The following ME1 variants were observed in gnomAD, a reference collection of about 807,000 sequenced individuals.
The protein encoded by ME1 is malic enzyme 1.
Under a neutral mutation model 66.4 loss-of-function variants are expected in ME1, and 74 were observed. The observed-to-expected ratio is 1.11, with a 90% CI of 0.92 to 1.35. The LOEUF (loss-of-function observed/expected upper bound fraction) is 1.35, where lower values mean the gene tolerates loss of function less well. Among genes scored for constraint, ME1 ranks in the 40% most tolerant of loss-of-function variants. The probability of loss-of-function intolerance (pLI) is 0.00; values close to 1 mark genes in which losing one functional copy is unlikely to be tolerated. For synonymous variants in ME1, 251 were observed against 235.6 expected (o/e 1.07, Z -0.60); for missense variants, 750 against 694.1 (o/e 1.08, Z -0.90).
Position 83,352,017 on chromosome 6 carries a change from C to G in ME1, c.438+47G>C, listed in dbSNP as rs960999381. 8.8e-6 allele frequency: 11 copies of G among 1,245,594 alleles called. No homozygotes were observed. The African/African-American group carries it at 1.4e-4, about 16-fold the overall frequency. The allele number at this position is 1,245,594 out of a possible 1,614,324, so 77.2% of individuals were successfully genotyped here. On this transcript the variant is annotated intron_variant, in intron 4 of 13. Coordinates refer to ENST00000369705, the MANE Select transcript of ME1 (RefSeq NM_002395.6). ...GTATATTTTAAACTGTTTTATGGGA[C>G]AGAAAAAAGAAAAAATTTGCTATAG... is the stretch of plus-strand genomic sequence containing the variant.
chr6:83,268,157 A>G (rs1342895184), intron 6 of ME1, among the ~76,000 whole-genome samples: 1 of 152,142 alleles, frequency 6.6e-6, no homozygotes, highest in Non-Finnish European at 1.5e-5. Flanking sequence ...TAAATGATCT[A>G]CTCATCTCTT....
intron 1 of ME1, among the ~76,000 whole-genome samples, chr6:83,408,155 T>C (rs1217642944): frequency 6.6e-6 from 1 of 152,060 alleles, no homozygotes; most frequent in East Asian, 1.9e-4. Context: ...AGATGATGAA[T>C]GGAAGGAAAC....
At chr6:83,307,375 T>C (rs1554266961) in intron 6 of ME1, among the ~76,000 whole-genome samples, 1 of 152,132 alleles carries the variant, frequency 6.6e-6, no homozygotes, top group Non-Finnish European at 1.5e-5. Flanking sequence ...TCATGTTCCC[T>C]AGTAACATGA....
At chr6:83,265,469 CTTTTA>C (rs1766972539) in intron 6 of ME1, among the ~76,000 whole-genome samples, 1 of 151,806 alleles carries the variant, frequency 6.6e-6, no homozygotes, top group Admixed American at 6.6e-5. Context: ...GCTAATTTTT[CTTTTA>C]ATGTTTTGTA....
chr6:83,349,001 A>C lies in ME1; in HGVS notation c.439-2667T>G, dbSNP rs1360697464. Among the ~76,000 whole-genome samples the C allele has an allele frequency of 5.7e-4, 80 of 140,978 alleles. 4 individuals are homozygous for C. The highest frequency in any genetic ancestry group is 2.0e-3 in the African/African-American group (72 of 35,468). The allele number at this position is 140,978 out of a possible 152,430, so 92.5% of individuals were successfully genotyped here. On this transcript the variant is annotated intron_variant, in intron 4 of 13. Transcript: ENST00000369705. Reference sequence around the variant, plus strand: ...CTCTGTCTCAAAAAAAAAAAAAAAAACAAAAAACAAAAAACAGTGCATTCT... The same window carrying C: ...CTCTGTCTCAAAAAAAAAAAAAAAACCAAAAAACAAAAAACAGTGCATTCT...
intron 5 of ME1, among the ~76,000 whole-genome samples, chr6:83,317,163 G>A (rs886622228): frequency 6.6e-6 from 1 of 152,136 alleles, no homozygotes; most frequent in African/African-American, 2.4e-5. Context: ...AGAGGACACA[G>A]GACTTGCTGG....
intron 6 of ME1, among the ~76,000 whole-genome samples, chr6:83,314,545 C>T (rs925038472): frequency 6.6e-6 from 1 of 152,126 alleles, no homozygotes; most frequent in African/African-American, 2.4e-5. Flanking sequence ...GTTCGATGTA[C>T]ATAAACTTTG....
At chr6:83,215,947 T>C (rs897077307) in intron 13 of ME1, among the ~76,000 whole-genome samples, 1 of 152,284 alleles carries the variant, frequency 6.6e-6, no homozygotes, top group African/African-American at 2.4e-5. Flanking sequence ...TTACAGAAAA[T>C]TTCTCTGCCT....
intron 3 of ME1, among the ~76,000 whole-genome samples, chr6:83,365,893 C>T (rs780437048): frequency 1.3e-5 from 2 of 152,096 alleles, no homozygotes; most frequent in Non-Finnish European, 2.9e-5. Context: ...TCCAGTTTAC[C>T]CTGACACTGT....
chr6:83,365,062 C>T (rs1769077534), intron 3 of ME1, among the ~76,000 whole-genome samples: 1 of 152,154 alleles, frequency 6.6e-6, no homozygotes, highest in Non-Finnish European at 1.5e-5. Flanking sequence ...CTCACTTGTC[C>T]TCACACCCTG....
chr6:83,246,111 G>A (rs989740835), intron 7 of ME1, among the ~76,000 whole-genome samples: 1 of 152,114 alleles, frequency 6.6e-6, no homozygotes, highest in Non-Finnish European at 1.5e-5. Flanking sequence ...GATATGAGAT[G>A]ATGGCAAATT....
At chr6:83,389,803 G>T (rs1383273615) in intron 3 of ME1, among the ~76,000 whole-genome samples, 1 of 151,966 alleles carries the variant, frequency 6.6e-6, no homozygotes, top group Non-Finnish European at 1.5e-5. Flanking sequence ...ATTGTCTCTA[G>T]CTTCCAAAAA....
At position 83,237,735 on chromosome 6, in the gene ME1, T is replaced by C. The variant is rs758244544; in HGVS notation, c.1008A>G (p.Ser336=). ...KAIKKIWLVD[S]KGLIVKGRAS... The stretch of plus-strand genomic sequence containing the variant: ...TTCTTACCTTAACTATTAATCCTTT[T>C]GAATCAACCAGCCATATCTTTTTGA... The change falls in exon 9 of 14, where the codon TCA becomes TCG. Residue 336 remains serine, a synonymous_variant. Coordinates refer to ENST00000369705, the MANE Select transcript of ME1 (RefSeq NM_002395.6). 6.3e-7 allele frequency: 1 copy of C among 1,596,742 alleles called. No individual in the cohort carries two copies. Among genetic ancestry groups the C allele is most frequent in the South Asian group, 1.1e-5 (1 of 89,302 alleles).
rs112058973 is a variant in ME1, at chr6:83,291,038, A to G, written c.704+24272T>C. ...CTCTGCACGTGAGATGAGTCTCCTC[A>G]ATACAGTATACCACTGAGTCTTGAC... On this transcript the variant is annotated intron_variant, in intron 6 of 13. Transcript: ENST00000369705. Among the ~76,000 whole-genome samples, 897 of 152,222 alleles carry G rather than the reference A, an allele frequency of 5.9e-3. 24 individuals carry two copies. In the East Asian group the frequency reaches 0.06, roughly 10 times the overall value.
intron 5 of ME1, among the ~76,000 whole-genome samples, chr6:83,322,649 G>T (rs1403123779): frequency 6.6e-6 from 1 of 152,130 alleles, no homozygotes; most frequent in Non-Finnish European, 1.5e-5. Flanking sequence ...AGAAATATGG[G>T]ACTATGTGAA....
At chr6:83,263,816 AACATAACAT>A (rs1477968645) in intron 6 of ME1, among the ~76,000 whole-genome samples, 26 of 68,896 alleles carry the variant, frequency 3.8e-4, no homozygotes, top group African/African-American at 1.8e-3. Flanking sequence ...AACATAACAT[AACATAACAT>A]AACATAACAT....
intron 6 of ME1, among the ~76,000 whole-genome samples, chr6:83,277,785 G>A (rs532649454): frequency 4.0e-5 from 6 of 151,864 alleles, no homozygotes; most frequent in East Asian, 1.9e-4. Context: ...GGCTGTAATC[G>A]CAGCTACACG....
chr6:83,396,364 T>A (rs560108274), intron 3 of ME1, among the ~76,000 whole-genome samples: 68 of 152,052 alleles, frequency 4.5e-4, no homozygotes, highest in African/African-American at 1.6e-3. Context: ...AAAACAATAA[T>A]AATAATAATG....
rs145219369 is a variant in ME1 at position 83,346,318 on chromosome 6, T to C, written c.455A>G (p.Asp152Gly). 10 of 1,607,418 alleles carry C rather than the reference T, an allele frequency of 6.2e-6. No homozygotes were observed. The highest frequency in any genetic ancestry group is 8.5e-6 in the Non-Finnish European group (10 of 1,176,700). ...EDVIKAIVVT[D>G]GERILGLGDL... ...TCCCAAGCCAAGAATACGCTCTCCA[T>C]CAGTCACCACAATGGCCTGGAAGAA... is the stretch of plus-strand genomic sequence containing the variant. The change falls in exon 5 of 14, where the codon GAT (aspartate) becomes GGT (glycine). Residue 152 changes from aspartate (D) to glycine (G), a missense_variant. Coordinates refer to ENST00000369705, the MANE Select transcript of ME1 (RefSeq NM_002395.6).
Sources: allele counts gnomAD v4.1 joint callset (sites outside exome capture counted in the v4.1 genomes callset), GRCh38; gene constraint gnomAD v4.1.1; transcripts MANE v1.5; gene names NCBI Gene and HGNC (gene_info 2026-07-23, HGNC 2026-07-21).